The following TMEM165 variants were observed in gnomAD, a reference collection of about 807,000 sequenced individuals.
TMEM165 encodes the protein putative divalent cation/proton antiporter TMEM165.
In TMEM165, 19 loss-of-function variants were observed where a neutral mutation model predicts 30.0. The observed-to-expected ratio is 0.63, with a 90% CI of 0.44 to 0.93. The LOEUF (loss-of-function observed/expected upper bound fraction) is 0.93. Ranked by LOEUF, TMEM165 falls within the 40% of genes least tolerant of loss-of-function variation. The pLI is 0.00. For missense variants in TMEM165, 340 were observed against 417.0 expected (o/e 0.82, Z 1.61); for synonymous variants, 168 against 162.9 (o/e 1.03, Z -0.24).
intron 1 of TMEM165, among the ~76,000 whole-genome samples, chr4:55,410,167 T>C (rs11943456): frequency 0.43 from 64,992 of 152,054 alleles, 15,286 homozygotes; most frequent in East Asian, 0.88. Flanking sequence ...TTTGCTCTTA[T>C]AGGCTGGGTT....
At chr4:55,427,346 TTTTG>T (rs10654591), downstream of TMEM165, among the ~76,000 whole-genome samples, 2,238 of 133,374 alleles carry the variant, frequency 0.017, 22 homozygotes, top group Non-Finnish European at 0.024. Flanking sequence ...TACTAATACG[TTTTG>T]TTTGTTTGGA....
In TMEM165 at chr4:55,402,109, ACT is replaced by A. The variant is rs1186033229; in HGVS notation, c.207+5716_207+5717del. On this transcript the variant is annotated intron_variant, in intron 1 of 5. Transcript: ENST00000381334. ...CTCCAGCCTGGGCAACAAGAGCAAA[ACT>A]CTGTCTCCAAAAAAAAAAAAGAAAC... 7.0e-4 allele frequency among the ~76,000 whole-genome samples: 71 copies of A among 101,288 alleles called. 4 individuals are homozygous for A. Among genetic ancestry groups the A allele is most frequent in the Non-Finnish European group, 1.0e-3 (54 of 53,504 alleles). The allele number at this position is 101,288 out of a possible 152,430, so 66.4% of individuals were successfully genotyped here.
At chr4:55,434,018 T>C (rs1722692861) in intron 3 of TMEM165, 2 of 152,608 alleles carry the variant, frequency 1.3e-5, no homozygotes, top group African/African-American at 4.8e-5. Flanking sequence ...TAGGTTATCA[T>C]CTTTTATTTC....
chr4:55,404,054 T>C (rs1721169204), intron 1 of TMEM165, among the ~76,000 whole-genome samples: 1 of 151,436 alleles, frequency 6.6e-6, no homozygotes, highest in Non-Finnish European at 1.5e-5. Flanking sequence ...CCTTTTTTTT[T>C]TTTTTTTTGA....
chr4:55,397,816 G>A (rs1238403269), intron 1 of TMEM165, among the ~76,000 whole-genome samples: 1 of 151,926 alleles, frequency 6.6e-6, no homozygotes, highest in Admixed American at 6.6e-5. Context: ...GCCCCGTCTT[G>A]GCTCACTGCA....
rs1234698362 is a variant in TMEM165 at position 55,424,628 on chromosome 4, ATC to A, written c.887_888del (p.Ser296CysfsTer25). The A allele has an allele frequency of 2.5e-6, 4 of 1,608,914 alleles. No individual in the cohort carries two copies. Among genetic ancestry groups the A allele is most frequent in the Non-Finnish European group, 3.4e-6 (4 of 1,175,376 alleles). On this transcript the variant is annotated frameshift_variant, in exon 5 of 6. Coordinates refer to ENST00000381334, the MANE Select transcript of TMEM165 (RefSeq NM_018475.5). LOFTEE classifies it high-confidence loss of function. Reference sequence around the variant, plus strand: ...TGGAGGAAGAATGATAGCACAGAAAATCTCTGTCAGAACTGGTAAGTCTTGAA... The same window carrying A: ...TGGAGGAAGAATGATAGCACAGAAAATCTGTCAGAACTGGTAAGTCTTGAA... ...VIGGRMIAQKISVRTVTIIGG... is the reference protein window; with the variant it reads ...VIGGRMIAQKXSVRTVTIIGG...
chr4:55,408,589 T>A (rs551910128), intron 1 of TMEM165, among the ~76,000 whole-genome samples: 2 of 152,314 alleles, frequency 1.3e-5, no homozygotes, highest in South Asian at 4.1e-4. Flanking sequence ...GGCCCATCAT[T>A]GATCAAATTG....
At chr4:55,437,674 C>T (rs150288378) in intron 3 of TMEM165, among the ~76,000 whole-genome samples, 1 of 152,302 alleles carries the variant, frequency 6.6e-6, no homozygotes, top group Non-Finnish European at 1.5e-5. Context: ...CCACTTTACA[C>T]GTGACGTTTA....
At chr4:55,436,106 C>G (rs1044633900) in intron 3 of TMEM165, among the ~76,000 whole-genome samples, 2 of 152,120 alleles carry the variant, frequency 1.3e-5, no homozygotes, top group African/African-American at 4.8e-5. Flanking sequence ...CTTGGTCAAG[C>G]TGTTTACTTC....
rs199743518 is a variant in TMEM165 at position 55,424,545 on chromosome 4, A to C, written c.800A>C (p.Tyr267Ser). Residue 267 changes from tyrosine to serine, a missense_variant, in exon 5 of 6, where the codon TAT becomes TCT. Transcript: ENST00000381334. ...TIVLAAREDP[Y>S]GVAVGGTVGH... ...TGTGACGCTTGCTTCCAGGACCCCT[A>C]TGGTGTAGCCGTGGGTGGAACTGTG... is the stretch of plus-strand genomic sequence containing the variant. 1 of 1,610,706 alleles carries C rather than the reference A, an allele frequency of 6.2e-7. No homozygotes were observed. The highest frequency in any genetic ancestry group is 1.1e-5 in the South Asian group (1 of 90,982).
intron 2 of TMEM165, 188 bp from the exon 3 acceptor site, chr4:55,416,884 C>T: frequency 2.0e-6 from 1 of 511,590 alleles, no homozygotes; most frequent in Non-Finnish European, 3.4e-6. Flanking sequence ...TAGGCCTGGG[C>T]TAGACCTAAT....
exon 4 of TMEM165, chr4:55,452,865 A>G (rs1359564531): frequency 2.1e-6 from 1 of 484,992 alleles, no homozygotes; most frequent in Non-Finnish European, 3.7e-6. Context: ...CTCTCATCCA[A>G]TTTTCTTTTT....
At chr4:55,437,278 T>A (rs1394082509) in intron 3 of TMEM165, among the ~76,000 whole-genome samples, 1 of 149,798 alleles carries the variant, frequency 6.7e-6, no homozygotes, top group Non-Finnish European at 1.5e-5. Flanking sequence ...TCACATCACA[T>A]GTTATATAAC....
chr4:55,396,128 A>T lies in TMEM165; in HGVS notation c.-62A>T. The T allele has an allele frequency of 7.7e-7, 1 of 1,292,134 alleles. No homozygotes were observed. Among genetic ancestry groups the T allele is most frequent in the Non-Finnish European group, 9.8e-7 (1 of 1,021,872 alleles). The allele number at this position is 1,292,134 out of a possible 1,614,324, so 80.0% of individuals were successfully genotyped here. ...GCGCCGCGGAGGCTGTTCGGGGTCG[A>T]GGCTTCCCGTCGCCGGCACTTCCTC... On this transcript the variant is annotated 5_prime_UTR_variant, in exon 1 of 6. Transcript: ENST00000381334.
At chr4:55,440,177 A>G (rs1723243582) in intron 3 of TMEM165, among the ~76,000 whole-genome samples, 1 of 152,234 alleles carries the variant, frequency 6.6e-6, no homozygotes, top group South Asian at 2.1e-4. Context: ...CTAGGTTTAT[A>G]GAAGAAATTT....
chr4:55,447,989 T>C (rs1408020624), intron 3 of TMEM165, among the ~76,000 whole-genome samples: 1 of 151,648 alleles, frequency 6.6e-6, no homozygotes, highest in Non-Finnish European at 1.5e-5. Context: ...CTCTTGGAAT[T>C]ACTCCCCCTT....
At chr4:55,435,343 C>T (rs1722794512) in intron 3 of TMEM165, 2 of 1,565,414 alleles carry the variant, frequency 1.3e-6, no homozygotes, top group African/African-American at 1.4e-5. Flanking sequence ...CCCTCCTTTC[C>T]TCAGGTCATC....
In TMEM165 at chr4:55,442,589, G is replaced by A. The variant is rs143911374; in HGVS notation, c.409-9650G>A. 172 of 1,612,558 alleles carry A rather than the reference G, an allele frequency of 1.1e-4. 1 individual carries two copies. The highest frequency in any genetic ancestry group is 8.6e-4 in the South Asian group (78 of 90,952). On this transcript the variant is annotated intron_variant, in intron 3 of 3. Transcript: ENST00000608091. ...GTAAGAGTGCTCTGTGTCTGACTGG[G>A]TAGAGATGTTTGCTGACTGTGCCCA...
intron 1 of TMEM165, among the ~76,000 whole-genome samples, chr4:55,410,237 G>A (rs1721433919): frequency 6.6e-6 from 1 of 152,202 alleles, no homozygotes; most frequent in South Asian, 2.1e-4. Context: ...TCTTCAGAGG[G>A]CAGTGCAGTG....
Sources: gnomAD v4.1 joint callset for allele counts (sites outside exome capture counted in the v4.1 genomes callset) on GRCh38, gnomAD v4.1.1 for gene constraint, MANE v1.5 for transcripts, NCBI Gene and HGNC (gene_info 2026-07-23, HGNC 2026-07-21) for gene names.